Variants in LRRIQ1 observed in about 807,000 individuals in gnomAD.
LRRIQ1 encodes leucine rich repeats and IQ motif containing 1.
In LRRIQ1, 210 loss-of-function variants were observed where a neutral mutation model predicts 211.9. The ratio of observed to expected loss-of-function variants is 0.99; its 90% confidence interval spans 0.89 to 1.11. LRRIQ1 has a LOEUF of 1.11. LRRIQ1 is among the 50% of genes most tolerant of loss of function. The pLI is 0.00. For missense variants in LRRIQ1, 2,136 were observed against 1,939.5 expected, an observed-to-expected ratio of 1.10 and a Z score of -1.90; for synonymous variants, 699 against 650.1, an observed-to-expected ratio of 1.08 and a Z score of -1.14.
downstream of LRRIQ1, among the ~76,000 whole-genome samples, chr12:85,245,698 C>G (rs1308732174): frequency 6.6e-6 from 1 of 150,828 alleles, no homozygotes; most frequent in Non-Finnish European, 1.5e-5. Flanking sequence ...AGTTTGAGAT[C>G]TCTTCTAAAA....
At chr12:85,203,930 A>G (rs1436650454) in intron 24 of LRRIQ1, among the ~76,000 whole-genome samples, 3 of 152,254 alleles carry the variant, frequency 2.0e-5, no homozygotes, top group East Asian at 3.9e-4. Context: ...GTTAACCCCC[A>G]AGACAATGGG....
chr12:85,155,535 A>G (rs1377615227), intron 23 of LRRIQ1, among the ~76,000 whole-genome samples: 2 of 151,626 alleles, frequency 1.3e-5, no homozygotes, highest in Non-Finnish European at 3.0e-5. Flanking sequence ...AGTATCAAAA[A>G]CATTCTTTAA....
intron 10 of LRRIQ1, among the ~76,000 whole-genome samples, chr12:85,068,592 G>A (rs190483005): frequency 1.8e-3 from 278 of 151,700 alleles, no homozygotes; most frequent in African/African-American, 6.2e-3. Context: ...TAATATGGCC[G>A]TCTCTTACTT....
At chr12:85,083,592 A>G (rs945986220) in intron 11 of LRRIQ1, among the ~76,000 whole-genome samples, 8 of 152,004 alleles carry the variant, frequency 5.3e-5, no homozygotes, top group African/African-American at 1.7e-4. Context: ...GGCATGTGTC[A>G]CCACGCCCAG....
At chr12:85,067,766 T>C (rs1334319627) in intron 10 of LRRIQ1, among the ~76,000 whole-genome samples, 2 of 151,824 alleles carry the variant, frequency 1.3e-5, no homozygotes, top group African/African-American at 4.8e-5. Flanking sequence ...GTGTTTCTAT[T>C]GCTGTGTCCT....
chr12:85,045,629 G>A (rs1050634141), intron 4 of LRRIQ1, among the ~76,000 whole-genome samples: 1 of 151,590 alleles, frequency 6.6e-6, no homozygotes, highest in Non-Finnish European at 1.5e-5. Flanking sequence ...GTTCTCTTTC[G>A]TATCATATAG....
At chr12:85,099,515 C>T (rs557121039) in intron 13 of LRRIQ1, among the ~76,000 whole-genome samples, 1 of 151,972 alleles carries the variant, frequency 6.6e-6, no homozygotes, top group East Asian at 1.9e-4. Context: ...GTACCTGCCT[C>T]AGAAGATCTA....
chr12:85,259,469 T>A (rs2137330331), intron 1 of LRRIQ1, among the ~76,000 whole-genome samples: 1 of 152,208 alleles, frequency 6.6e-6, no homozygotes, highest in Non-Finnish European at 1.5e-5. Flanking sequence ...GATGTGTTAT[T>A]TTGCTCCTCA....
intron 26 of LRRIQ1, 50 bp downstream of exon 26, chr12:85,232,806 C>G (rs746455522): frequency 2.4e-6 from 3 of 1,227,772 alleles, no homozygotes; most frequent in African/African-American, 3.0e-5. Flanking sequence ...CACTAGTGCT[C>G]AAATAAATGG....
At chr12:85,106,674 T>G (rs1005035200) in intron 15 of LRRIQ1, 59 bp downstream of exon 15, 1 of 1,135,146 alleles carries the variant, frequency 8.8e-7, no homozygotes, top group Non-Finnish European at 1.3e-6. Flanking sequence ...GAAAAAAGTT[T>G]GATAAAAATT....
intron 1 of LRRIQ1, chr12:85,262,778 A>G (rs535529967): frequency 2.0e-4 from 49 of 251,092 alleles, no homozygotes; most frequent in African/African-American, 1.1e-3. Flanking sequence ...AATAAGCTCA[A>G]CAAAGATACG....
chr12:85,217,500 ATATATATATGTGTG>A (rs1330593443), intron 24 of LRRIQ1, among the ~76,000 whole-genome samples: 8 of 81,564 alleles, frequency 9.8e-5, no homozygotes, highest in African/African-American at 2.7e-4. Context: ...ATGTATATAT[ATATATATATGTGTG>A]TGTGTGTGTG....
chr12:85,169,510 G>A (rs369117020), intron 24 of LRRIQ1, among the ~76,000 whole-genome samples: 334 of 152,184 alleles, frequency 2.2e-3, no homozygotes, highest in African/African-American at 7.8e-3. Flanking sequence ...GACTGTAATT[G>A]TCAAGCCCTC....
rs183614588 is a variant in LRRIQ1, at chr12:85,138,378, C to T, written c.4329+409C>T. On this transcript the variant is annotated intron_variant, in intron 19 of 26. Coordinates refer to ENST00000393217, the MANE Select transcript of LRRIQ1 (RefSeq NM_001079910.2). Reference sequence around the variant, plus strand: ...TCTCCTTTAAACTAGAATAGTTCCTCATCTTTTCTCTGTATTTTACAAATT... The same window carrying T: ...TCTCCTTTAAACTAGAATAGTTCCTTATCTTTTCTCTGTATTTTACAAATT... Among the ~76,000 whole-genome samples the T allele has an allele frequency of 2.0e-5, 3 of 151,664 alleles. No individual in the cohort carries two copies. In the Admixed American group the frequency reaches 2.0e-4, roughly 10 times the overall value.
At chr12:85,190,034 T>A (rs1892422388) in intron 24 of LRRIQ1, among the ~76,000 whole-genome samples, 1 of 141,834 alleles carries the variant, frequency 7.1e-6, no homozygotes, top group African/African-American at 2.5e-5. Flanking sequence ...TTATATATAA[T>A]ATATAACCTA....
Position 85,052,218 on chromosome 12 carries a change from GA to G in LRRIQ1, c.724del (p.Ile242PhefsTer39). 1 of 1,560,380 alleles carries G rather than the reference GA, an allele frequency of 6.4e-7. No individual in the cohort carries two copies. Among genetic ancestry groups the G allele is most frequent in the Non-Finnish European group, 8.7e-7 (1 of 1,144,268 alleles). ...KMNDELYKEE[K>X]IWKEKFKQHE... Reference sequence around the variant, plus strand: ...TGAATGATGAACTCTATAAAGAAGAGAAAATTTGGAAAGAGAAATTTAAACA... The same window carrying G: ...TGAATGATGAACTCTATAAAGAAGAGAAATTTGGAAAGAGAAATTTAAACA... On this transcript the variant is annotated frameshift_variant, in exon 7 of 27. Transcript: ENST00000393217. LOFTEE classifies it high-confidence loss of function.
intron 8 of LRRIQ1, among the ~76,000 whole-genome samples, chr12:85,058,248 A>C (rs567746466): frequency 1.3e-5 from 2 of 152,130 alleles, no homozygotes; most frequent in South Asian, 2.1e-4. Flanking sequence ...TACACTTTTA[A>C]GTGTCTTTTA....
At chr12:85,068,185 TG>T (rs1882650034) in intron 10 of LRRIQ1, among the ~76,000 whole-genome samples, 2 of 151,934 alleles carry the variant, frequency 1.3e-5, no homozygotes, top group Admixed American at 6.6e-5. Flanking sequence ...TACTTTGATA[TG>T]GGACAGATGG....
At position 85,232,424 on chromosome 12, in the gene LRRIQ1, A is replaced by G. The variant is rs534252367; in HGVS notation, c.4956-272A>G. Among the ~76,000 whole-genome samples, 65 of 152,250 alleles carry G rather than the reference A, an allele frequency of 4.3e-4. 1 individual carries two copies. In the South Asian group the frequency reaches 4.3e-3, roughly 10 times the overall value. On this transcript the variant is annotated intron_variant, in intron 25 of 26. Coordinates refer to ENST00000393217, the MANE Select transcript of LRRIQ1 (RefSeq NM_001079910.2). ...TTGTTAACCATCTTTACTAGTACTA[A>G]TCAATTGTGGCTCTTTGCATGTGTT...
Sources: gnomAD v4.1 joint callset for allele counts (sites outside exome capture counted in the v4.1 genomes callset) on GRCh38, gnomAD v4.1.1 for gene constraint, MANE v1.5 for transcripts, NCBI Gene and HGNC (gene_info 2026-07-23, HGNC 2026-07-21) for gene names.